Variants in CFAP210 observed in about 807,000 individuals in gnomAD.
CFAP210 encodes the protein cilia- and flagella- associated protein 210.
chr2:169,690,409 A>G, the CFAP210 span, among the ~76,000 whole-genome samples: 1 of 152,194 alleles, frequency 6.6e-6, no homozygotes, highest in East Asian at 1.9e-4. Flanking sequence ...TTTCTTTGTG[A>G]GAATTTTTTC....
At chr2:169,668,928 C>T in the CFAP210 span, among the ~76,000 whole-genome samples, 4 of 152,106 alleles carry the variant, frequency 2.6e-5, no homozygotes, top group East Asian at 1.9e-4. Flanking sequence ...CTGATAAATT[C>T]GCTCAATGCA....
At chr2:169,645,800 T>A in the CFAP210 span, 1 of 1,283,784 alleles carries the variant, frequency 7.8e-7, no homozygotes, top group Non-Finnish European at 1.1e-6. Flanking sequence ...AGCTCATATA[T>A]GCTACAACTT....
At chr2:169,664,897 T>C in the CFAP210 span, among the ~76,000 whole-genome samples, 2 of 152,242 alleles carry the variant, frequency 1.3e-5, no homozygotes, top group African/African-American at 2.4e-5. Context: ...ATAGATGTTG[T>C]ATAGTTCTCC....
chr2:169,645,952 T>C, the CFAP210 span: 1 of 1,613,922 alleles, frequency 6.2e-7, no homozygotes. Context: ...GATAGCTGGG[T>C]CTTAATCCAC....
chr2:169,691,664 T>C, the CFAP210 span, among the ~76,000 whole-genome samples: 6 of 152,256 alleles, frequency 3.9e-5, no homozygotes, highest in African/African-American at 1.4e-4. Flanking sequence ...TGAAACCTTT[T>C]TCTTGTGTTT....
chr2:169,667,139 TTTC>T, the CFAP210 span, among the ~76,000 whole-genome samples: 51,494 of 139,222 alleles, frequency 0.37, 9,019 homozygotes, highest in Middle Eastern at 0.41. Context: ...AATTTTCTTT[TTTC>T]TTTTTTTTTT....
the CFAP210 span, chr2:169,662,277 T>A: frequency 1.3e-6 from 2 of 1,591,194 alleles, no homozygotes; most frequent in Non-Finnish European, 1.7e-6. Flanking sequence ...CCTTTCAACT[T>A]ACAAGAAACC....
chr2:169,655,560 T>A, the CFAP210 span, among the ~76,000 whole-genome samples: 83,767 of 152,020 alleles, frequency 0.55, 23,220 homozygotes, highest in South Asian at 0.63. Context: ...TTTGCTGTTT[T>A]CTCCAAGTTT....
chr2:169,677,986 T>A, the CFAP210 span, among the ~76,000 whole-genome samples: 1 of 152,108 alleles, frequency 6.6e-6, no homozygotes, highest in Non-Finnish European at 1.5e-5. Context: ...TATTTAGGGA[T>A]AAATCCAACG....
At chr2:169,650,544 G>A in the CFAP210 span, 30 of 1,462,640 alleles carry the variant, frequency 2.1e-5, no homozygotes, top group East Asian at 1.0e-4. Flanking sequence ...AACCATACTC[G>A]TCAAATCTTC....
At chr2:169,675,354 T>C in the CFAP210 span, among the ~76,000 whole-genome samples, 3 of 152,198 alleles carry the variant, frequency 2.0e-5, no homozygotes, top group African/African-American at 7.2e-5. Flanking sequence ...AAGATTTAAT[T>C]AGCTCACAGT....
the CFAP210 span, chr2:169,674,889 G>C: frequency 6.6e-7 from 1 of 1,518,074 alleles, no homozygotes; most frequent in Non-Finnish European, 8.8e-7. Context: ...CACTCTTTCT[G>C]TCTGGTAAAA....
chr2:169,645,710 C>T, the CFAP210 span: 1 of 663,538 alleles, frequency 1.5e-6, no homozygotes, highest in Non-Finnish European at 2.5e-6. Flanking sequence ...AAAAGAAATA[C>T]TGAGAACAAT....
chr2:169,690,907 G>C, the CFAP210 span, among the ~76,000 whole-genome samples: 1 of 152,232 alleles, frequency 6.6e-6, no homozygotes, highest in African/African-American at 2.4e-5. Flanking sequence ...CATACTTAGA[G>C]GATCACTGAG....
At chr2:169,685,614 G>T in the CFAP210 span, among the ~76,000 whole-genome samples, 1 of 151,980 alleles carries the variant, frequency 6.6e-6, no homozygotes, top group Non-Finnish European at 1.5e-5. Context: ...TAATTTTGAG[G>T]AAGGCCAAAT....
chr2:169,693,501 G>C, the CFAP210 span, among the ~76,000 whole-genome samples: 1 of 152,198 alleles, frequency 6.6e-6, no homozygotes, highest in African/African-American at 2.4e-5. Flanking sequence ...TCTGGTGCAG[G>C]GGGCACTATT....
chr2:169,651,225 T>A, the CFAP210 span, among the ~76,000 whole-genome samples: 1 of 55,220 alleles, frequency 1.8e-5, no homozygotes. Context: ...AGACTCTGTC[T>A]GAAAAAAAAA....
chr2:169,645,616 CTG>C, the CFAP210 span: 1 of 481,078 alleles, frequency 2.1e-6, no homozygotes, highest in Non-Finnish European at 3.7e-6. Context: ...CTTAATACCA[CTG>C]AATGTACATT....
chr2:169,653,352 G>A, the CFAP210 span, among the ~76,000 whole-genome samples: 1 of 151,762 alleles, frequency 6.6e-6, no homozygotes, highest in Non-Finnish European at 1.5e-5. Context: ...AGAGGTCTGA[G>A]GGATAAGGCT....
Sources: gnomAD v4.1 joint callset for allele counts (sites outside exome capture counted in the v4.1 genomes callset) on GRCh38, gnomAD v4.1.1 for gene constraint, MANE v1.5 for transcripts, NCBI Gene and HGNC (gene_info 2026-07-23, HGNC 2026-07-21) for gene names.